PARD3B: variants seen among roughly 807,000 people sequenced by gnomAD.
PARD3B encodes the protein par-3 family cell polarity regulator beta, also known as partitioning defective 3 homolog B.
In PARD3B, 103 loss-of-function variants were observed where a neutral mutation model predicts 130.2. The observed-to-expected ratio is 0.79, with a 90% CI of 0.67 to 0.93. PARD3B has a LOEUF of 0.93. Ranked by LOEUF, PARD3B falls within the 40% of genes least tolerant of loss-of-function variation. The pLI, the probability that PARD3B is intolerant of heterozygous loss-of-function variation, is 0.00. For missense variants in PARD3B, 1,609 were observed against 1,499.2 expected (o/e 1.07, Z -1.21); for synonymous variants, 583 against 553.2 (o/e 1.05, Z -0.76).
rs186781031 is a variant in PARD3B, at chr2:204,664,221, A to T, written c.121-21960A>T. Among the ~76,000 whole-genome samples, 115 of 152,330 alleles carry T rather than the reference A, an allele frequency of 7.5e-4. No homozygotes were observed. Among genetic ancestry groups the T allele is most frequent in the Non-Finnish European group, 1.3e-3 (91 of 68,024 alleles). The stretch of plus-strand genomic sequence containing the variant: ...TTAACTCAAATCTCAAAAATAGATG[A>T]CAAGGCAGAAAATATTTGGGGTGAT... On this transcript the variant is annotated intron_variant, in intron 1 of 22. Coordinates refer to ENST00000406610, the MANE Select transcript of PARD3B (RefSeq NM_001302769.2). The surrounding 1 kb of genome is among the most constrained non-coding windows in gnomAD (Gnocchi z 5.2).
At chr2:205,580,309 T>G (rs972197586) in intron 22 of PARD3B, among the ~76,000 whole-genome samples, 2 of 152,238 alleles carry the variant, frequency 1.3e-5, no homozygotes, top group Non-Finnish European at 2.9e-5. Context: ...ACAGCATCTC[T>G]GAATCACCCA....
chr2:205,257,540 G>C (rs973623019), intron 16 of PARD3B, among the ~76,000 whole-genome samples: 1 of 152,022 alleles, frequency 6.6e-6, no homozygotes, highest in African/African-American at 2.4e-5. Flanking sequence ...TAGTAGTCTG[G>C]TGGCCCATAC....
Position 205,021,234 on chromosome 2 carries a change from A to G in PARD3B, c.395-26347A>G, listed in dbSNP as rs1449246693. Reference sequence around the variant, plus strand: ...CTATTTTATATAGTTTGGTAGAAATACATCCACACTGTATGAGTCTCAATT... The same window carrying G: ...CTATTTTATATAGTTTGGTAGAAATGCATCCACACTGTATGAGTCTCAATT... On this transcript the variant is annotated intron_variant, in intron 3 of 22. Transcript: ENST00000406610. The surrounding 1 kb of genome is among the most constrained non-coding windows in gnomAD (Gnocchi z 4.5). 6.6e-6 allele frequency among the ~76,000 whole-genome samples: 1 copy of G among 152,330 alleles called. No homozygotes were observed. Among genetic ancestry groups the G allele is most frequent in the Non-Finnish European group, 1.5e-5 (1 of 68,022 alleles).
At chr2:205,498,198 TAAAA>T (rs61076057) in intron 20 of PARD3B, among the ~76,000 whole-genome samples, 8 of 124,534 alleles carry the variant, frequency 6.4e-5, no homozygotes, top group Non-Finnish European at 3.3e-5. Context: ...AGACTCTGAC[TAAAA>T]AAAAAAAAAA....
intron 3 of PARD3B, among the ~76,000 whole-genome samples, chr2:205,003,328 G>T (rs1694998840): frequency 6.6e-6 from 1 of 152,066 alleles, no homozygotes; most frequent in African/African-American, 2.4e-5. Context: ...TCCATAATAG[G>T]TTCACAGGTT....
chr2:204,929,352 G>A (rs557362235), intron 2 of PARD3B, among the ~76,000 whole-genome samples: 16 of 152,136 alleles, frequency 1.1e-4, no homozygotes, highest in African/African-American at 3.4e-4. Flanking sequence ...CGTCAAACCC[G>A]CCAATATTAG....
In PARD3B at chr2:204,743,168, T is replaced by C. The variant is rs576328168; in HGVS notation, c.222+56886T>C. 1.8e-4 allele frequency among the ~76,000 whole-genome samples: 28 copies of C among 152,306 alleles called. 1 individual carries two copies. The East Asian group carries it at 5.2e-3, about 28-fold the overall frequency. On this transcript the variant is annotated intron_variant, in intron 2 of 22. Transcript: ENST00000406610. ...ACCCAGAGTAGATACTTACTAAATG[T>C]TGGTTAAATGAATGAAGATTGGCTT...
rs114096486 is a variant in PARD3B at position 205,225,414 on chromosome 2, T to C, written c.2141-20364T>C. Among the ~76,000 whole-genome samples the C allele has an allele frequency of 4.4e-3, 676 of 152,340 alleles. 4 individuals carry two copies. The highest frequency in any genetic ancestry group is 0.015 in the African/African-American group (639 of 41,568). ...TGCCATTTTTATGTCTTGAGAAATA[T>C]CTGTGCAGATATTTTGTCCATTTTT... On this transcript the variant is annotated intron_variant, in intron 15 of 22. Coordinates refer to ENST00000406610, the MANE Select transcript of PARD3B (RefSeq NM_001302769.2).
chr2:205,102,506 ATGTT>A (rs1575785712), intron 4 of PARD3B, among the ~76,000 whole-genome samples: 1 of 152,074 alleles, frequency 6.6e-6, no homozygotes, highest in East Asian at 1.9e-4. Context: ...AATAATATGA[ATGTT>A]TGAGAGCTTT....
intron 7 of PARD3B, among the ~76,000 whole-genome samples, chr2:205,119,578 A>T (rs537318423): frequency 6.6e-6 from 1 of 152,192 alleles, no homozygotes; most frequent in African/African-American, 2.4e-5. Flanking sequence ...TCAGGAGTTC[A>T]AGACCAACTG....
chr2:205,474,252 GA>G (rs1260663116), intron 20 of PARD3B, among the ~76,000 whole-genome samples: 8 of 151,984 alleles, frequency 5.3e-5, no homozygotes, highest in Admixed American at 2.0e-4. Flanking sequence ...AGCTAAGGAA[GA>G]AAAAAATAAA....
At chr2:204,974,855 A>C (rs1299502744) in intron 3 of PARD3B, among the ~76,000 whole-genome samples, 10 of 152,214 alleles carry the variant, frequency 6.6e-5, no homozygotes. Flanking sequence ...CCCTTCAGTT[A>C]ATCAATAATT....
intron 16 of PARD3B, among the ~76,000 whole-genome samples, chr2:205,289,415 G>A (rs1349507355): frequency 6.6e-6 from 1 of 152,122 alleles, no homozygotes; most frequent in Non-Finnish European, 1.5e-5. Context: ...GCTGTTGCCA[G>A]GTATCATGTT....
At chr2:204,904,517 C>A (rs531906506) in intron 2 of PARD3B, among the ~76,000 whole-genome samples, 33 of 151,826 alleles carry the variant, frequency 2.2e-4, no homozygotes, top group Non-Finnish European at 4.1e-4. Context: ...TATTTTATAC[C>A]CCCTAAATAT....
intron 2 of PARD3B, among the ~76,000 whole-genome samples, chr2:204,817,273 G>C (rs1397991556): frequency 6.7e-6 from 1 of 148,560 alleles, no homozygotes; most frequent in Non-Finnish European, 1.5e-5. Context: ...TTTTTTGGTT[G>C]CCAGACTATT....
intron 3 of PARD3B, among the ~76,000 whole-genome samples, chr2:204,976,636 C>G (rs1414722669): frequency 9.3e-6 from 1 of 107,660 alleles, no homozygotes; most frequent in East Asian, 2.9e-4. Context: ...GAGATGGAGT[C>G]TTGCTATGTG....
chr2:205,410,348 G>A (rs915350768), intron 19 of PARD3B, among the ~76,000 whole-genome samples: 6 of 152,126 alleles, frequency 3.9e-5, no homozygotes, highest in Non-Finnish European at 7.4e-5. Flanking sequence ...GAAAGCTTTG[G>A]GGGACTGTAA....
chr2:205,595,972 C>A (rs1276106344), intron 22 of PARD3B, among the ~76,000 whole-genome samples: 1 of 152,024 alleles, frequency 6.6e-6, no homozygotes, highest in Non-Finnish European at 1.5e-5. Flanking sequence ...AATTGCATAG[C>A]CCTCATCAGT....
At chr2:205,308,372 C>T (rs970882777) in intron 18 of PARD3B, among the ~76,000 whole-genome samples, 28 of 151,780 alleles carry the variant, frequency 1.8e-4, no homozygotes, top group African/African-American at 5.6e-4. Flanking sequence ...TTTGGGAGGC[C>T]GAGGCAGGCA....
Sources: gnomAD v4.1 joint callset for allele counts (sites outside exome capture counted in the v4.1 genomes callset) on GRCh38, gnomAD v4.1.1 for gene constraint, Gnocchi (gnomAD v3.1) non-coding constraint, MANE v1.5 for transcripts, NCBI Gene and HGNC (gene_info 2026-07-23, HGNC 2026-07-21) for gene names.